The following SCN4A variants were observed in gnomAD, a reference collection of about 807,000 sequenced individuals.
SCN4A encodes sodium voltage-gated channel alpha subunit 4.
SCN4A carries 83 observed loss-of-function variants against 162.0 expected under a neutral mutation model. The observed-to-expected ratio is 0.51, with a 90% CI of 0.43 to 0.61. The LOEUF (loss-of-function observed/expected upper bound fraction) is 0.61. Ranked by LOEUF, SCN4A falls within the 20% of genes least tolerant of loss-of-function variation. The probability of loss-of-function intolerance (pLI) is 0.00; values close to 1 mark genes in which losing one functional copy is unlikely to be tolerated. For synonymous variants in SCN4A, 944 were observed against 985.1 expected, an observed-to-expected ratio of 0.96 and a Z score of 0.78; for missense variants, 2,196 against 2,462.5, an observed-to-expected ratio of 0.89 and a Z score of 2.29.
Position 63,971,187 on chromosome 17 carries a change from G to C in SCN4A, c.678C>G (p.Ala226=), listed in dbSNP as rs1177560929. 6.4e-7 allele frequency: 1 copy of C among 1,564,128 alleles called. No individual in the cohort carries two copies. The highest frequency in any genetic ancestry group is 1.9e-5 in the Admixed American group (1 of 52,892). Residue 226 remains alanine (A), a synonymous_variant, in exon 5 of 24, where the codon GCC becomes GCG. Transcript: ENST00000435607. ...CTGGGATGACCGTGATGGTTTTGAGGGCCCGCAGCACCCGGAAGGTCCTCA... is the reference window on the plus strand; with the variant it reads ...CTGGGATGACCGTGATGGTTTTGAGCGCCCGCAGCACCCGGAAGGTCCTCA... The part of the protein sequence containing the change: ...SALRTFRVLR[A]LKTITVIPGL...
intron 9 of SCN4A, 114 bp downstream of exon 9, chr17:63,964,354 C>A: frequency 1.1e-6 from 1 of 883,800 alleles, no homozygotes; most frequent in Non-Finnish European, 1.8e-6. Flanking sequence ...TGCCTCAAAA[C>A]CCCTACCCCT....
chr17:63,946,555 A>G (rs1362348825), intron 18 of SCN4A, among the ~76,000 whole-genome samples: 6 of 142,314 alleles, frequency 4.2e-5, no homozygotes, highest in African/African-American at 1.6e-4. Context: ...CCCCAAGCTC[A>G]AGGGCATGGC....
Position 63,947,235 on chromosome 17 carries a change from G to A in SCN4A, c.3319-68C>T, listed in dbSNP as rs1334539147. 7 of 1,595,676 alleles carry A rather than the reference G, an allele frequency of 4.4e-6. No individual in the cohort carries two copies. In the African/African-American group the frequency reaches 9.4e-5, roughly 21 times the overall value. On this transcript the variant is annotated intron_variant, in intron 17 of 23. Coordinates refer to ENST00000435607, the MANE Select transcript of SCN4A (RefSeq NM_000334.4). ...AGCCTCCCCTCAAGCCCAGGCCACG[G>A]GGGTCTTCCTGGACTCACAGCTCCT...
At chr17:63,967,310 G>A (rs1406959163) in intron 6 of SCN4A, among the ~76,000 whole-genome samples, 1 of 151,930 alleles carries the variant, frequency 6.6e-6, no homozygotes, top group Non-Finnish European at 1.5e-5. Flanking sequence ...GCGTCACCAC[G>A]CCCGGCTAAT....
chr17:63,966,087 TG>T lies in SCN4A; in HGVS notation c.1242+14del. ...GTGGCTGTAGGGTTGGGGGGCAGGGTGGGGGCAGCTGTACCAGCTGGAAGAG... is the reference window on the plus strand; with the variant it reads ...GTGGCTGTAGGGTTGGGGGGCAGGGTGGGGCAGCTGTACCAGCTGGAAGAG... On this transcript the variant is annotated intron_variant, in intron 8 of 23. Coordinates refer to ENST00000435607, the MANE Select transcript of SCN4A (RefSeq NM_000334.4). 1 of 1,279,380 alleles carries T rather than the reference TG, an allele frequency of 7.8e-7. No homozygotes were observed. 79.3% of individuals were successfully genotyped at this position (1,279,380 alleles called of 1,614,324 possible).
intron 13 of SCN4A, among the ~76,000 whole-genome samples, 193 bp downstream of exon 13, chr17:63,956,969 G>A (rs1032255020): frequency 3.0e-4 from 45 of 152,266 alleles, no homozygotes; most frequent in Admixed American, 1.2e-3. Flanking sequence ...TGGGGGTGGG[G>A]CCGGGGATCT....
At position 63,950,886 on chromosome 17, in the gene SCN4A, T is replaced by C. The variant is rs1009710890; in HGVS notation, c.2853+538A>G. On this transcript the variant is annotated intron_variant, in intron 14 of 23. Coordinates refer to ENST00000435607, the MANE Select transcript of SCN4A (RefSeq NM_000334.4). The surrounding 1 kb of genome is among the most constrained non-coding windows in gnomAD (Gnocchi z 4.6). The stretch of plus-strand genomic sequence containing the variant: ...GGGGTCAGGGCTCCTGCCTGAGGCT[T>C]CTGTCCTCCTTGTCCTCAACTCCCG... Among the ~76,000 whole-genome samples, 2 of 152,198 alleles carry C rather than the reference T, an allele frequency of 1.3e-5. No individual in the cohort carries two copies. The highest frequency in any genetic ancestry group is 4.8e-5 in the African/African-American group (2 of 41,448).
chr17:63,972,312 T>A lies in SCN4A; in HGVS notation c.392+40A>T, dbSNP rs571202921. On this transcript the variant is annotated intron_variant, in intron 2 of 23. Coordinates refer to ENST00000435607, the MANE Select transcript of SCN4A (RefSeq NM_000334.4). The surrounding 1 kb of genome is among the most constrained non-coding windows in gnomAD (Gnocchi z 4.3). ...GGGCCACAGCACCCCATCTCGCCCA[T>A]CCCTAACCCCTCCCGCCTCTCCCAT... 2 of 1,597,858 alleles carry A rather than the reference T, an allele frequency of 1.3e-6. No individual in the cohort carries two copies. Among genetic ancestry groups the A allele is most frequent in the East Asian group, 2.2e-5 (1 of 44,518 alleles).
intron 11 of SCN4A, among the ~76,000 whole-genome samples, chr17:63,960,236 G>C (rs1228714942): frequency 6.6e-6 from 1 of 152,254 alleles, no homozygotes; most frequent in Non-Finnish European, 1.5e-5. Context: ...CAGCAGCATA[G>C]TGTGGGCAGG....
At chr17:63,963,272 T>C (rs574888284) in intron 10 of SCN4A, among the ~76,000 whole-genome samples, 1 of 152,284 alleles carries the variant, frequency 6.6e-6, no homozygotes, top group Non-Finnish European at 1.5e-5. Flanking sequence ...CAGAGAACAC[T>C]TGAGGAGCAG....
In SCN4A at chr17:63,945,662, C is replaced by T. The variant is rs755296740; in HGVS notation, c.3442-24G>A. On this transcript the variant is annotated intron_variant, in intron 18 of 23. Transcript: ENST00000435607. The surrounding 1 kb of genome is among the most constrained non-coding windows in gnomAD (Gnocchi z 4.4). ...ACCTGGGGGCCAGGGGGTCCATTGCCAGTGCCTCTCCCAGCCTCTGAGAGA... is the reference window on the plus strand; with the variant it reads ...ACCTGGGGGCCAGGGGGTCCATTGCTAGTGCCTCTCCCAGCCTCTGAGAGA... 5 of 1,612,980 alleles carry T rather than the reference C, an allele frequency of 3.1e-6. No individual in the cohort carries two copies. Among genetic ancestry groups the T allele is most frequent in the Non-Finnish European group, 4.2e-6 (5 of 1,179,564 alleles).
rs534241640 is a variant in SCN4A at position 63,946,468 on chromosome 17, C to G, written c.3441+577G>C. On this transcript the variant is annotated intron_variant, in intron 18 of 23. Coordinates refer to ENST00000435607, the MANE Select transcript of SCN4A (RefSeq NM_000334.4). ...GGGAAGTCCCATTTTTCTTGCCCCC[C>G]CCCCCACCCCGCCGCAACCCTGTGT... Among the ~76,000 whole-genome samples the G allele has an allele frequency of 2.9e-4, 38 of 129,330 alleles. 1 individual carries two copies. The highest frequency in any genetic ancestry group is 8.0e-4 in the African/African-American group (25 of 31,064). The allele number at this position is 129,330 out of a possible 152,430, so 84.8% of individuals were successfully genotyped here. A position where few individuals can be genotyped will look rare whatever the true frequency, so the allele number is the denominator to read the frequency against.
At position 63,971,818 on chromosome 17, in the gene SCN4A, G is replaced by T; in HGVS notation, c.515C>A (p.Ser172Tyr). 1 of 1,613,738 alleles carries T rather than the reference G, an allele frequency of 6.2e-7. No homozygotes were observed. The highest frequency in any genetic ancestry group is 1.3e-5 in the African/African-American group (1 of 75,002). ...YTFTGIYTFESLIKILARGFC... is the reference protein window; with the variant it reads ...YTFTGIYTFEYLIKILARGFC... Reference sequence around the variant, plus strand: ...GCCTCGGGCCAGTATCTTGATGAGGGACTCAAAGGTGTAGATCCCTGTGAA... The same window carrying T: ...GCCTCGGGCCAGTATCTTGATGAGGTACTCAAAGGTGTAGATCCCTGTGAA... The change falls in exon 4 of 24, where the codon TCC (serine) becomes TAC (tyrosine). Residue 172 changes from serine (S) to tyrosine (Y), a missense_variant. Ser to Tyr is a moderately radical substitution (Grantham distance 144, BLOSUM62 -2). Transcript: ENST00000435607.
intron 8 of SCN4A, among the ~76,000 whole-genome samples, chr17:63,965,432 C>G (rs1909407035): frequency 6.6e-6 from 1 of 152,216 alleles, no homozygotes; most frequent in South Asian, 2.1e-4. Context: ...ACTCCAGGCT[C>G]AGCCTGCCTT....
rs1242022192 is a variant in SCN4A at position 63,968,252 on chromosome 17, C to T, written c.807G>A (p.Leu269=). 1 of 1,614,128 alleles carries T rather than the reference C, an allele frequency of 6.2e-7. No homozygotes were observed. The highest frequency in any genetic ancestry group is 8.5e-7 in the Non-Finnish European group (1 of 1,179,968). The change falls in exon 6 of 24, where the codon CTG becomes CTA. Residue 269 remains leucine, a synonymous_variant. Transcript: ENST00000435607. The stretch of plus-strand genomic sequence containing the variant: ...GCCTCAGGTTTCCCATGAAGAGCTG[C>T]AGTCCTACCAGCGCAAAGACGCTCA... ...FCLSVFALVG[L]QLFMGNLRQK...
rs755256694 is a variant in SCN4A, at chr17:63,942,998, C to T, written c.4116G>A (p.Val1372=). 6 of 1,613,846 alleles carry T rather than the reference C, an allele frequency of 3.7e-6. No homozygotes were observed. The African/African-American group carries it at 6.7e-5, about 18-fold the overall frequency. The change falls in exon 23 of 24, where the codon GTG becomes GTA. Residue 1372 remains valine (V), a synonymous_variant. Transcript: ENST00000435607. ...TGAGCTGGCTCTGGTTGTCTGTCTC[C>T]ACCATCATGGTGACCATGTTGAGGC... ...LICLNMVTMM[V]ETDNQSQLKV... is the part of the protein sequence containing the mutation.
At chr17:63,961,976 C>T (rs1166924877) in intron 10 of SCN4A, among the ~76,000 whole-genome samples, 1 of 151,526 alleles carries the variant, frequency 6.6e-6, no homozygotes, top group East Asian at 1.9e-4. Context: ...CCGCCTCCTC[C>T]CGAAGCTCCG....
At chr17:63,947,230 C>A in intron 17 of SCN4A, 63 bp from the exon 18 acceptor site, 1 of 1,599,574 alleles carries the variant, frequency 6.3e-7, no homozygotes, top group Middle Eastern at 2.0e-4. Flanking sequence ...CAAGCCCAGG[C>A]CACGGGGGTC....
intron 6 of SCN4A, among the ~76,000 whole-genome samples, chr17:63,967,105 G>C (rs560202814): frequency 2.4e-4 from 37 of 152,112 alleles, no homozygotes; most frequent in Non-Finnish European, 4.3e-4. Context: ...GGGGTGCACA[G>C]GTTAGGGAGT....
Sources: gnomAD v4.1 joint callset for allele counts (sites outside exome capture counted in the v4.1 genomes callset) on GRCh38, gnomAD v4.1.1 for gene constraint, Gnocchi (gnomAD v3.1) non-coding constraint, MANE v1.5 for transcripts, NCBI Gene and HGNC (gene_info 2026-07-23, HGNC 2026-07-21) for gene names.